Variants in TSHZ2 observed in about 807,000 individuals in gnomAD.
TSHZ2 encodes teashirt zinc finger homeobox 2, also known as teashirt homolog 2.
TSHZ2 carries 21 observed loss-of-function variants against 74.4 expected under a neutral mutation model. That is an observed-to-expected ratio of 0.28 (90% confidence interval 0.20 to 0.41). The LOEUF (loss-of-function observed/expected upper bound fraction) is 0.41. Ranked by LOEUF, TSHZ2 falls within the 10% of genes least tolerant of loss-of-function variation. The probability of loss-of-function intolerance (pLI) is 1.00; values close to 1 mark genes in which losing one functional copy is unlikely to be tolerated. For missense variants in TSHZ2, 1,244 were observed against 1,293.5 expected (o/e 0.96, Z 0.59); for synonymous variants, 540 against 515.3 (o/e 1.05, Z -0.65).
chr20:53,219,450 G>A (rs1314323986), intron 1 of TSHZ2, among the ~76,000 whole-genome samples: 2 of 152,166 alleles, frequency 1.3e-5, no homozygotes, highest in African/African-American at 4.8e-5. Flanking sequence ...CTACTGCATA[G>A]TTAGCACTAT....
chr20:53,048,890 C>T (rs1984327375), intron 1 of TSHZ2, among the ~76,000 whole-genome samples: 1 of 152,204 alleles, frequency 6.6e-6, no homozygotes, highest in Non-Finnish European at 1.5e-5. Context: ...TAACAACAAA[C>T]TCTGCACATT....
At chr20:53,194,397 T>C (rs1278672776) in intron 1 of TSHZ2, among the ~76,000 whole-genome samples, 1 of 152,200 alleles carries the variant, frequency 6.6e-6, no homozygotes, top group Non-Finnish European at 1.5e-5. Flanking sequence ...TCAACGTACA[T>C]TATTGGGAGA....
intron 1 of TSHZ2, among the ~76,000 whole-genome samples, chr20:53,251,570 C>G (rs1259114727): frequency 1.3e-5 from 2 of 151,846 alleles, no homozygotes; most frequent in Non-Finnish European, 2.9e-5. Context: ...TTTTTCAAAC[C>G]AATCTTTGAA....
intron 2 of TSHZ2, among the ~76,000 whole-genome samples, chr20:53,306,530 G>A (rs1978551027): frequency 6.6e-6 from 1 of 152,118 alleles, no homozygotes; most frequent in South Asian, 2.1e-4. Flanking sequence ...TTTTGCTGCT[G>A]CGTCTCAATG....
At chr20:53,310,170 G>T (rs1438685558) in intron 2 of TSHZ2, among the ~76,000 whole-genome samples, 1 of 152,246 alleles carries the variant, frequency 6.6e-6, no homozygotes, top group Non-Finnish European at 1.5e-5. Context: ...AGGTCAGCTA[G>T]TCCAACGTTT....
rs141562569 is a variant in TSHZ2, at chr20:53,234,685, G to A, written c.41-18814G>A. On this transcript the variant is annotated intron_variant, in intron 1 of 2. Coordinates refer to ENST00000371497, the MANE Select transcript of TSHZ2 (RefSeq NM_173485.6). ...GAAAAGTGCAGAGACAGCAGCCAGC[G>A]CAAAGGCCTAAGATGGGAATGTTCC... Among the ~76,000 whole-genome samples the A allele has an allele frequency of 4.5e-4, 69 of 152,264 alleles. No homozygotes were observed. In the East Asian group the frequency reaches 0.011, roughly 25 times the overall value.
At chr20:53,112,481 A>G (rs2123327023) in intron 1 of TSHZ2, among the ~76,000 whole-genome samples, 1 of 152,248 alleles carries the variant, frequency 6.6e-6, no homozygotes, top group Non-Finnish European at 1.5e-5. Context: ...TACTCTCAGA[A>G]TCATATTCAG....
At chr20:53,435,775 A>C (rs138361502) in intron 2 of TSHZ2, among the ~76,000 whole-genome samples, 1 of 152,250 alleles carries the variant, frequency 6.6e-6, no homozygotes, top group East Asian at 1.9e-4. Flanking sequence ...AGCCTTCCAA[A>C]GTGCTGGGAT....
At chr20:53,259,059 G>A (rs557621774) in intron 2 of TSHZ2, among the ~76,000 whole-genome samples, 38 of 152,122 alleles carry the variant, frequency 2.5e-4, no homozygotes, top group South Asian at 2.1e-4. Flanking sequence ...CTCCACCCCC[G>A]GGGTCCTCTT....
intron 2 of TSHZ2, among the ~76,000 whole-genome samples, chr20:53,275,563 G>A (rs960224570): frequency 1.3e-5 from 2 of 152,144 alleles, no homozygotes; most frequent in East Asian, 1.9e-4. Context: ...CCTGTGTGCT[G>A]TATAATTCCT....
intron 2 of TSHZ2, among the ~76,000 whole-genome samples, chr20:53,442,080 TAAG>T (rs960818598): frequency 1.3e-5 from 2 of 152,136 alleles, no homozygotes; most frequent in South Asian, 2.1e-4. Context: ...GCTTAGCTGG[TAAG>T]AAGGAGTAGA....
intron 1 of TSHZ2, among the ~76,000 whole-genome samples, chr20:53,107,802 ATTTG>A (rs1232422265): frequency 1.3e-5 from 2 of 151,900 alleles, no homozygotes; most frequent in East Asian, 3.9e-4. Context: ...CCTGTGGAAT[ATTTG>A]TTGATTTGAA....
intron 1 of TSHZ2, among the ~76,000 whole-genome samples, chr20:53,158,527 AG>A (rs1345980080): frequency 6.6e-6 from 1 of 152,064 alleles, no homozygotes; most frequent in Non-Finnish European, 1.5e-5. Context: ...TTGAAGTTTG[AG>A]CCTATCAGTG....
At chr20:53,025,982 A>G (rs904792751) in intron 1 of TSHZ2, among the ~76,000 whole-genome samples, 1 of 152,166 alleles carries the variant, frequency 6.6e-6, no homozygotes, top group African/African-American at 2.4e-5. Flanking sequence ...GGATTGCAGG[A>G]GGCTGTGGTA....
At chr20:53,371,276 G>C (rs1439217265) in intron 2 of TSHZ2, among the ~76,000 whole-genome samples, 1 of 152,170 alleles carries the variant, frequency 6.6e-6, no homozygotes, top group East Asian at 1.9e-4. Context: ...AAATTATTCA[G>C]TATAGAGACT....
At chr20:53,207,871 T>TC (rs1411180683) in intron 1 of TSHZ2, among the ~76,000 whole-genome samples, 1 of 147,654 alleles carries the variant, frequency 6.8e-6, no homozygotes, top group Admixed American at 6.7e-5. Flanking sequence ...TTTTTTTTTT[T>TC]TTTTTTTTTT....
intron 1 of TSHZ2, among the ~76,000 whole-genome samples, chr20:53,237,766 G>T (rs959236642): frequency 3.3e-5 from 5 of 152,060 alleles, no homozygotes; most frequent in African/African-American, 9.7e-5. Flanking sequence ...GTATATGGAC[G>T]ATTTAAAGCA....
At chr20:53,094,485 A>G (rs997218253) in intron 1 of TSHZ2, among the ~76,000 whole-genome samples, 12 of 152,094 alleles carry the variant, frequency 7.9e-5, no homozygotes, top group African/African-American at 2.9e-4. Context: ...TGGGTCCCTG[A>G]CTCGGTGCAA....
chr20:53,056,319 T>G (rs1191945886), intron 1 of TSHZ2, among the ~76,000 whole-genome samples: 1 of 152,190 alleles, frequency 6.6e-6, no homozygotes, highest in African/African-American at 2.4e-5. Context: ...CTGGACCAAC[T>G]ATATACACTG....
Sources: allele counts gnomAD v4.1 joint callset (sites outside exome capture counted in the v4.1 genomes callset), GRCh38; gene constraint gnomAD v4.1.1; transcripts MANE v1.5; gene names NCBI Gene and HGNC (gene_info 2026-07-23, HGNC 2026-07-21).